Variants in CSMD1 observed in about 807,000 individuals in gnomAD.
CSMD1 encodes CUB and Sushi multiple domains 1, also known as CUB and sushi domain-containing protein 1.
Under a neutral mutation model 417.5 loss-of-function variants are expected in CSMD1, and 213 were observed. That is an observed-to-expected ratio of 0.51 (90% confidence interval 0.46 to 0.57). The LOEUF (loss-of-function observed/expected upper bound fraction) is 0.57, where lower values mean the gene tolerates loss of function less well. CSMD1 is among the 20% of genes least tolerant of loss of function. The pLI is 0.00. For synonymous variants in CSMD1, 2,862 were observed against 1,736.8 expected (o/e 1.65, Z -16.11); for missense variants, 6,923 against 4,529.7 (o/e 1.53, Z -15.17).
chr8:4,718,956 C>A (rs189880715), intron 1 of CSMD1, among the ~76,000 whole-genome samples: 1 of 151,590 alleles, frequency 6.6e-6, no homozygotes, highest in Non-Finnish European at 1.5e-5. Context: ...AAAATGAGAA[C>A]GTTCATTATA....
At chr8:3,505,415 G>C (rs1216561599) in intron 10 of CSMD1, among the ~76,000 whole-genome samples, 1 of 152,120 alleles carries the variant, frequency 6.6e-6, no homozygotes, top group South Asian at 2.1e-4. Context: ...ATAATTATGG[G>C]CGCAGAATCA....
At position 4,304,946 on chromosome 8, in the gene CSMD1, G is replaced by T. The variant is rs541961091; in HGVS notation, c.415+115007C>A. On this transcript the variant is annotated intron_variant, in intron 3 of 69. Coordinates refer to ENST00000635120, the MANE Select transcript of CSMD1 (RefSeq NM_033225.6). ...TGATGAACAAGTACTCTTTTATCAGGCTGTGGTATTTGCTACACTAACGTC... is the reference window on the plus strand; with the variant it reads ...TGATGAACAAGTACTCTTTTATCAGTCTGTGGTATTTGCTACACTAACGTC... Among the ~76,000 whole-genome samples the T allele has an allele frequency of 1.9e-3, 285 of 152,100 alleles. 1 individual carries two copies. The highest frequency in any genetic ancestry group is 3.4e-3 in the Middle Eastern group (1 of 294).
chr8:3,369,663 G>A (rs555953773), intron 18 of CSMD1, among the ~76,000 whole-genome samples: 18 of 152,308 alleles, frequency 1.2e-4, no homozygotes, highest in Admixed American at 7.8e-4. Context: ...GTACAGGTTT[G>A]CACTCCTGAG....
At chr8:3,890,895 T>C (rs1806928088) in intron 5 of CSMD1, among the ~76,000 whole-genome samples, 1 of 152,182 alleles carries the variant, frequency 6.6e-6, no homozygotes, top group Non-Finnish European at 1.5e-5. Flanking sequence ...TTGAGTGTGC[T>C]AGCTACTCTC....
At chr8:4,613,045 G>A (rs925305321) in intron 2 of CSMD1, among the ~76,000 whole-genome samples, 1 of 152,112 alleles carries the variant, frequency 6.6e-6, no homozygotes, top group Non-Finnish European at 1.5e-5. Context: ...AGAGGAACTT[G>A]TTTTGCATTT....
chr8:4,275,061 T>A (rs527694491), intron 3 of CSMD1, among the ~76,000 whole-genome samples: 30 of 152,268 alleles, frequency 2.0e-4, no homozygotes, highest in African/African-American at 6.7e-4. Context: ...AAGAAATTCT[T>A]CTAACAATGA....
intron 46 of CSMD1, among the ~76,000 whole-genome samples, chr8:3,099,505 G>A (rs538967115): frequency 6.6e-6 from 1 of 152,148 alleles, no homozygotes; most frequent in African/African-American, 2.4e-5. Context: ...CTACCAGAGG[G>A]CGTTTCATTT....
chr8:4,468,353 C>A (rs1800317842), intron 2 of CSMD1, among the ~76,000 whole-genome samples: 1 of 152,128 alleles, frequency 6.6e-6, no homozygotes, highest in African/African-American at 2.4e-5. Context: ...TATCACAAAA[C>A]CTTTTAAAAA....
intron 41 of CSMD1, chr8:3,128,138 G>C (rs184776146): frequency 6.6e-6 from 1 of 152,098 alleles, no homozygotes; most frequent in East Asian, 1.9e-4. Flanking sequence ...ATAACACAGA[G>C]AATTTTATCT....
intron 54 of CSMD1, among the ~76,000 whole-genome samples, chr8:2,990,001 C>T (rs1447444940): frequency 6.6e-6 from 1 of 152,114 alleles, no homozygotes; most frequent in African/African-American, 2.4e-5. Flanking sequence ...CTAGAAGGCT[C>T]TAGGGGGATG....
chr8:4,277,399 G>A (rs1254150537), intron 3 of CSMD1, among the ~76,000 whole-genome samples: 3 of 152,052 alleles, frequency 2.0e-5, no homozygotes, highest in Non-Finnish European at 4.4e-5. Flanking sequence ...GCTTGACCCA[G>A]CCCCCATTTC....
chr8:4,185,544 G>T (rs117361937), intron 3 of CSMD1, among the ~76,000 whole-genome samples: 1 of 151,990 alleles, frequency 6.6e-6, no homozygotes, highest in Non-Finnish European at 1.5e-5. Flanking sequence ...AGAAACATGC[G>T]CTAATTTTTT....
chr8:4,954,053 C>T (rs566740437), intron 1 of CSMD1, among the ~76,000 whole-genome samples: 5 of 152,220 alleles, frequency 3.3e-5, no homozygotes, highest in Non-Finnish European at 7.4e-5. Context: ...GAGTGCTTTT[C>T]TTTCTCCAAA....
At chr8:4,721,965 A>G (rs1809085793) in intron 1 of CSMD1, among the ~76,000 whole-genome samples, 1 of 152,190 alleles carries the variant, frequency 6.6e-6, no homozygotes, top group African/African-American at 2.4e-5. Context: ...AATCTTACAA[A>G]AACGGAATAC....
At chr8:4,017,746 A>T (rs1796591243) in intron 4 of CSMD1, among the ~76,000 whole-genome samples, 1 of 152,172 alleles carries the variant, frequency 6.6e-6, no homozygotes, top group African/African-American at 2.4e-5. Context: ...CATGGTACAA[A>T]TGCTGAAACT....
intron 53 of CSMD1, among the ~76,000 whole-genome samples, chr8:2,998,610 T>C (rs1470788948): frequency 6.6e-6 from 1 of 152,228 alleles, no homozygotes; most frequent in Non-Finnish European, 1.5e-5. Context: ...GGGATTTGTC[T>C]GATACTTTTT....
chr8:4,186,676 G>C (rs886241775), intron 3 of CSMD1, among the ~76,000 whole-genome samples: 1 of 151,948 alleles, frequency 6.6e-6, no homozygotes, highest in African/African-American at 2.4e-5. Flanking sequence ...CAGTATATTT[G>C]TTTTCTATTA....
chr8:4,291,749 A>G (rs1254819570), intron 3 of CSMD1, among the ~76,000 whole-genome samples: 1 of 152,244 alleles, frequency 6.6e-6, no homozygotes, highest in Non-Finnish European at 1.5e-5. Flanking sequence ...CAAAAGTTAA[A>G]GAATATTAGG....
At chr8:4,729,089 C>T (rs755869841) in intron 1 of CSMD1, among the ~76,000 whole-genome samples, 1 of 152,036 alleles carries the variant, frequency 6.6e-6, no homozygotes, top group Non-Finnish European at 1.5e-5. Context: ...ATGTTCAGCC[C>T]TAAATTATTT....
Sources: gnomAD v4.1 joint callset for allele counts (sites outside exome capture counted in the v4.1 genomes callset) on GRCh38, gnomAD v4.1.1 for gene constraint, MANE v1.5 for transcripts, NCBI Gene and HGNC (gene_info 2026-07-23, HGNC 2026-07-21) for gene names.